CADPS: variants seen among roughly 807,000 people sequenced by gnomAD.
CADPS encodes calcium dependent secretion activator.
Under a neutral mutation model 167.3 loss-of-function variants are expected in CADPS, and 57 were observed. That is an observed-to-expected ratio of 0.34 (90% confidence interval 0.28 to 0.42). CADPS has a LOEUF of 0.42. CADPS is among the 20% of genes least tolerant of loss of function. The probability of loss-of-function intolerance (pLI) is 1.00; values close to 1 mark genes in which losing one functional copy is unlikely to be tolerated. For synonymous variants in CADPS, 676 were observed against 635.3 expected, an observed-to-expected ratio of 1.06 and a Z score of -0.96; for missense variants, 1,414 against 1,738.1, an observed-to-expected ratio of 0.81 and a Z score of 3.32.
chr3:62,711,909 G>C (rs2083464270), intron 3 of CADPS, among the ~76,000 whole-genome samples: 1 of 152,144 alleles, frequency 6.6e-6, no homozygotes, highest in African/African-American at 2.4e-5. Context: ...ACACAATCCT[G>C]AGTAAAAGCT....
intron 5 of CADPS, 102 bp from the exon 6 acceptor site, chr3:62,645,945 G>A: frequency 3.9e-6 from 5 of 1,288,552 alleles, no homozygotes; most frequent in Non-Finnish European, 5.5e-6. Context: ...AAACCAACAG[G>A]TATCTGATGG....
At chr3:62,620,294 C>T (rs2062973109) in intron 6 of CADPS, among the ~76,000 whole-genome samples, 2 of 152,044 alleles carry the variant, frequency 1.3e-5, no homozygotes, top group Non-Finnish European at 2.9e-5. Context: ...TGGTGCTGTG[C>T]TAAGTGCTTT....
At chr3:62,687,732 G>A (rs17290766) in intron 3 of CADPS, among the ~76,000 whole-genome samples, 21,959 of 100,996 alleles carry the variant, frequency 0.22, 2,067 homozygotes, top group Admixed American at 0.37. Flanking sequence ...GGTTCCCTTC[G>A]CATTTTTTTT....
chr3:62,521,241 G>C (rs963865804), intron 13 of CADPS, among the ~76,000 whole-genome samples: 1 of 152,138 alleles, frequency 6.6e-6, no homozygotes, highest in African/African-American at 2.4e-5. Flanking sequence ...TATTAGGTGG[G>C]TGGTTCTTCC....
At chr3:62,503,079 C>G (rs531723517) in intron 17 of CADPS, among the ~76,000 whole-genome samples, 1 of 152,132 alleles carries the variant, frequency 6.6e-6, no homozygotes, top group African/African-American at 2.4e-5. Flanking sequence ...CACCGAGACA[C>G]TCAGAGGCTG....
At chr3:62,823,361 A>G (rs564528002) in intron 1 of CADPS, among the ~76,000 whole-genome samples, 1 of 152,308 alleles carries the variant, frequency 6.6e-6, no homozygotes, top group Admixed American at 6.5e-5. Flanking sequence ...CTGATGAAAC[A>G]ATCAGACTTG....
At chr3:62,543,438 CCTTT>C (rs1395603149) in intron 11 of CADPS, among the ~76,000 whole-genome samples, 1 of 152,070 alleles carries the variant, frequency 6.6e-6, no homozygotes, top group Non-Finnish European at 1.5e-5. Flanking sequence ...ATTCATCCAT[CCTTT>C]CTTTCATTCT....
At chr3:62,867,793 ATAT>A (rs143807729) in intron 1 of CADPS, among the ~76,000 whole-genome samples, 21,088 of 151,990 alleles carry the variant, frequency 0.14, 1,630 homozygotes, top group African/African-American at 0.17. Context: ...CACATTCCAG[ATAT>A]TATTTTAACA....
chr3:62,581,950 C>T (rs1370353472), intron 8 of CADPS, among the ~76,000 whole-genome samples: 5 of 152,118 alleles, frequency 3.3e-5, no homozygotes, highest in African/African-American at 1.2e-4. Flanking sequence ...CAGATACTAA[C>T]ATTTTAAGGT....
chr3:62,416,058 G>A (rs1436270610), intron 28 of CADPS, among the ~76,000 whole-genome samples: 6 of 152,082 alleles, frequency 3.9e-5, no homozygotes, highest in Non-Finnish European at 8.8e-5. Flanking sequence ...GGTTTTCTAG[G>A]TCAGAGCTTC....
At chr3:62,867,011 T>A (rs2081821384) in intron 1 of CADPS, among the ~76,000 whole-genome samples, 1 of 152,036 alleles carries the variant, frequency 6.6e-6, no homozygotes, top group South Asian at 2.1e-4. Flanking sequence ...TATGCGAGTC[T>A]TACTCTATCT....
At position 62,553,880 on chromosome 3, in the gene CADPS, GT is replaced by G. The variant is rs558720486; in HGVS notation, c.1753+3524del. 1.0e-2 allele frequency among the ~76,000 whole-genome samples: 1,523 copies of G among 152,334 alleles called. 17 individuals carry two copies. Among genetic ancestry groups the G allele is most frequent in the African/African-American group, 0.035 (1,447 of 41,572 alleles). ...GGGGACTGAATCTGAAGAATGTGAT[GT>G]GTGACCTCAAATGGGCTCTCCTTGG... On this transcript the variant is annotated intron_variant, in intron 10 of 29. Transcript: ENST00000383710.
chr3:62,583,568 G>A (rs2083921673), intron 8 of CADPS, among the ~76,000 whole-genome samples: 1 of 152,106 alleles, frequency 6.6e-6, no homozygotes, highest in African/African-American at 2.4e-5. Context: ...CACACCCCAG[G>A]CAGAAGAGCT....
At chr3:62,862,310 G>T (rs898022808) in intron 1 of CADPS, among the ~76,000 whole-genome samples, 1 of 148,170 alleles carries the variant, frequency 6.7e-6, no homozygotes, top group Non-Finnish European at 1.5e-5. Flanking sequence ...TCCGCCTCCC[G>T]GGTTCAAGTG....
At chr3:62,682,551 C>G (rs2151065923) in intron 3 of CADPS, among the ~76,000 whole-genome samples, 1 of 152,182 alleles carries the variant, frequency 6.6e-6, no homozygotes, top group South Asian at 2.1e-4. Flanking sequence ...TACTTTCTCT[C>G]ACTTTGCTAC....
chr3:62,790,243 C>A (rs1314855049), intron 1 of CADPS, among the ~76,000 whole-genome samples: 6 of 152,048 alleles, frequency 3.9e-5, no homozygotes, highest in Non-Finnish European at 8.8e-5. Context: ...TACATAATCA[C>A]CAACTTTATA....
chr3:62,498,948 AC>A (rs1284117994), intron 18 of CADPS, among the ~76,000 whole-genome samples: 17 of 152,206 alleles, frequency 1.1e-4, no homozygotes, highest in Admixed American at 7.9e-4. Flanking sequence ...ACATCTGAAA[AC>A]TTAGGCCGAA....
intron 7 of CADPS, among the ~76,000 whole-genome samples, chr3:62,589,056 T>C (rs2085325343): frequency 7.0e-6 from 1 of 143,454 alleles, no homozygotes; most frequent in South Asian, 2.4e-4. Context: ...TAACTTGTTT[T>C]CACAATGTGC....
At chr3:62,495,969 G>A (rs1285068061) in intron 18 of CADPS, among the ~76,000 whole-genome samples, 1 of 152,070 alleles carries the variant, frequency 6.6e-6, no homozygotes, top group Admixed American at 6.6e-5. Flanking sequence ...AGGTGGAGGA[G>A]GCAAGCCTAC....
Sources: gnomAD v4.1 joint callset for allele counts (sites outside exome capture counted in the v4.1 genomes callset) on GRCh38, gnomAD v4.1.1 for gene constraint, MANE v1.5 for transcripts, NCBI Gene and HGNC (gene_info 2026-07-23, HGNC 2026-07-21) for gene names.